Variants in RYR3 observed in about 807,000 individuals in gnomAD.
RYR3 encodes brain ryanodine receptor-calcium release channel.
Under a neutral mutation model 584.3 loss-of-function variants are expected in RYR3, and 207 were observed. The observed-to-expected ratio is 0.35, with a 90% CI of 0.32 to 0.40. The LOEUF (loss-of-function observed/expected upper bound fraction) is 0.40. RYR3 is among the 10% of genes least tolerant of loss of function. RYR3 has a pLI of 1.00. For missense variants in RYR3, 5,616 were observed against 6,089.2 expected, an observed-to-expected ratio of 0.92 and a Z score of 2.59; for synonymous variants, 2,416 against 2,248.5, an observed-to-expected ratio of 1.07 and a Z score of -2.11.
intron 1 of RYR3, among the ~76,000 whole-genome samples, chr15:33,366,004 T>C (rs1975445500): frequency 6.6e-6 from 1 of 152,140 alleles, no homozygotes; most frequent in Non-Finnish European, 1.5e-5. Context: ...AGGTCTTTCC[T>C]AAAAGTGTTG....
At chr15:33,407,950 T>C (rs949472359) in intron 1 of RYR3, among the ~76,000 whole-genome samples, 2 of 152,066 alleles carry the variant, frequency 1.3e-5, no homozygotes, top group African/African-American at 2.4e-5. Flanking sequence ...ACAGCATTGC[T>C]TGAGGATAGG....
rs2070925618 is a variant in RYR3 at position 33,748,105 on chromosome 15, C to G, written c.7990-9C>G. On this transcript the variant is annotated splice_polypyrimidine_tract_variant and intron_variant, in intron 53 of 103. Coordinates refer to ENST00000634891, the MANE Select transcript of RYR3 (RefSeq NM_001036.6). ...TCTGCAAAGTGCTTCTGCTCAAATT[C>G]TCTTCTAGGAGAAGGAAATTTATCG... The G allele has an allele frequency of 6.2e-7, 1 of 1,613,214 alleles. No homozygotes were observed. Among genetic ancestry groups the G allele is most frequent in the Non-Finnish European group, 8.5e-7 (1 of 1,179,710 alleles).
chr15:33,596,449 C>T (rs888800879), intron 16 of RYR3, among the ~76,000 whole-genome samples: 7 of 146,672 alleles, frequency 4.8e-5, no homozygotes, highest in Non-Finnish European at 1.0e-4. Context: ...ATAACTGAGA[C>T]ACTGAAAAGA....
intron 20 of RYR3, 43 bp from the exon 21 acceptor site, chr15:33,628,428 T>G (rs373964281): frequency 2.1e-6 from 3 of 1,398,158 alleles, no homozygotes; most frequent in Non-Finnish European, 3.0e-6. Context: ...TTATGATAGG[T>G]TTCAAAACAA....
intron 1 of RYR3, among the ~76,000 whole-genome samples, chr15:33,379,187 T>C (rs1051260836): frequency 6.6e-6 from 1 of 152,206 alleles, no homozygotes; most frequent in Non-Finnish European, 1.5e-5. Context: ...TGGCTACTGG[T>C]TTGTAATCAC....
chr15:33,785,164 C>T (rs1025396251), intron 65 of RYR3, among the ~76,000 whole-genome samples: 9 of 152,144 alleles, frequency 5.9e-5, no homozygotes, highest in South Asian at 4.1e-4. Context: ...GTTTCTGGTC[C>T]AGCTGAAGGA....
At chr15:33,530,511 C>T in intron 3 of RYR3, 81 bp from the exon 4 acceptor site, 1 of 943,098 alleles carries the variant, frequency 1.1e-6, no homozygotes, top group Admixed American at 1.9e-5. Flanking sequence ...GGTAGTCTGT[C>T]TCCCAGAATT....
intron 85 of RYR3, among the ~76,000 whole-genome samples, chr15:33,829,711 C>A (rs543950053): frequency 6.6e-6 from 1 of 151,294 alleles, no homozygotes; most frequent in Admixed American, 6.6e-5. Context: ...CAGATTGCGC[C>A]GCTGCACTCC....
intron 11 of RYR3, among the ~76,000 whole-genome samples, chr15:33,563,790 G>C (rs1387660036): frequency 6.6e-6 from 1 of 152,148 alleles, no homozygotes; most frequent in Non-Finnish European, 1.5e-5. Context: ...AAAGGATGTT[G>C]AGAATGAACA....
At chr15:33,862,934 A>G (rs1233638904) in intron 102 of RYR3, among the ~76,000 whole-genome samples, 1 of 152,238 alleles carries the variant, frequency 6.6e-6, no homozygotes, top group Non-Finnish European at 1.5e-5. Flanking sequence ...CTTGAGTTTT[A>G]AAAAGATAAC....
chr15:33,657,890 GCA>G (rs1566891010), intron 32 of RYR3, among the ~76,000 whole-genome samples: 15 of 152,196 alleles, frequency 9.9e-5, no homozygotes. Context: ...ACAAATGATA[GCA>G]CTAAATCATG....
At chr15:33,586,198 A>G (rs889710953) in intron 16 of RYR3, 82 bp downstream of exon 16, 3 of 818,612 alleles carry the variant, frequency 3.7e-6, no homozygotes, top group South Asian at 2.9e-5. Flanking sequence ...TACTGAGAGC[A>G]TGTTGATTAG....
intron 23 of RYR3, among the ~76,000 whole-genome samples, chr15:33,632,726 T>A (rs770608712): frequency 6.6e-6 from 1 of 152,208 alleles, no homozygotes. Flanking sequence ...TTTTTTCAAG[T>A]CTTCTTTGAA....
intron 12 of RYR3, among the ~76,000 whole-genome samples, chr15:33,575,245 G>C (rs2058236214): frequency 6.6e-6 from 1 of 152,066 alleles, no homozygotes; most frequent in Non-Finnish European, 1.5e-5. Flanking sequence ...AGATATTCAG[G>C]ACCTCAGTAT....
chr15:33,645,111 G>A (rs2062029066), intron 28 of RYR3, among the ~76,000 whole-genome samples: 1 of 152,108 alleles, frequency 6.6e-6, no homozygotes, highest in Admixed American at 6.5e-5. Flanking sequence ...CTCATGACTT[G>A]ATGTCTTGTA....
At chr15:33,358,443 G>C (rs1415604799) in intron 1 of RYR3, among the ~76,000 whole-genome samples, 2 of 152,094 alleles carry the variant, frequency 1.3e-5, no homozygotes, top group Admixed American at 6.5e-5. Context: ...CCATAAAGAG[G>C]GGAATTTAGA....
intron 2 of RYR3, among the ~76,000 whole-genome samples, chr15:33,476,420 CA>C (rs2049385830): frequency 6.6e-6 from 1 of 152,156 alleles, no homozygotes; most frequent in African/African-American, 2.4e-5. Context: ...AAAAGAGATA[CA>C]TGTCATCCAT....
At chr15:33,475,909 A>C (rs529776367) in intron 2 of RYR3, among the ~76,000 whole-genome samples, 2 of 152,348 alleles carry the variant, frequency 1.3e-5, no homozygotes, top group South Asian at 4.1e-4. Flanking sequence ...CTTGTTCTTT[A>C]AAATAAGGAA....
intron 1 of RYR3, among the ~76,000 whole-genome samples, chr15:33,381,596 TC>T (rs2041195310): frequency 1.3e-5 from 2 of 152,162 alleles, no homozygotes; most frequent in African/African-American, 4.8e-5. Context: ...GTTTAATTTT[TC>T]CTTCAGGGCT....
Sources: gnomAD v4.1 joint callset for allele counts (sites outside exome capture counted in the v4.1 genomes callset) on GRCh38, gnomAD v4.1.1 for gene constraint, MANE v1.5 for transcripts, NCBI Gene and HGNC (gene_info 2026-07-23, HGNC 2026-07-21) for gene names.